Variants in STK3 observed in about 807,000 individuals in gnomAD.
The protein encoded by STK3 is serine/threonine-protein kinase 3.
In STK3, 41 loss-of-function variants were observed where a neutral mutation model predicts 58.0. The ratio of observed to expected loss-of-function variants is 0.71; its 90% CI spans 0.55 to 0.92. The LOEUF (loss-of-function observed/expected upper bound fraction) is 0.92. Among genes scored for constraint, STK3 ranks in the 40% least tolerant of loss-of-function variants. The pLI is 0.00. For missense variants in STK3, 479 were observed against 602.7 expected (o/e 0.79, Z 2.15); for synonymous variants, 170 against 191.0 (o/e 0.89, Z 0.91).
At chr8:98,457,611 T>G (rs1461443897) in intron 10 of STK3, among the ~76,000 whole-genome samples, 5 of 152,282 alleles carry the variant, frequency 3.3e-5, no homozygotes, top group Non-Finnish European at 5.9e-5. Context: ...TCCCTAGATA[T>G]TCCAAAAAAT....
intron 1 of STK3, among the ~76,000 whole-genome samples, chr8:98,824,056 G>A (rs1835086329): frequency 1.3e-5 from 2 of 152,176 alleles, no homozygotes; most frequent in African/African-American, 4.8e-5. Flanking sequence ...TAGGGTTGCT[G>A]TGAGGATTAA....
At chr8:98,793,609 C>T (rs911743910) in intron 1 of STK3, among the ~76,000 whole-genome samples, 1 of 152,090 alleles carries the variant, frequency 6.6e-6, no homozygotes, top group African/African-American at 2.4e-5. Context: ...TTCAACAGCC[C>T]ACTGACTAAT....
At chr8:98,553,360 A>G (rs1325665932) in intron 8 of STK3, 1 of 152,154 alleles carries the variant, frequency 6.6e-6, no homozygotes, top group Non-Finnish European at 1.5e-5. Context: ...TCTCAAATCT[A>G]TAAGGGCAGT....
intron 1 of STK3, among the ~76,000 whole-genome samples, chr8:98,798,452 C>T (rs974537453): frequency 4.6e-5 from 7 of 152,082 alleles, no homozygotes; most frequent in Non-Finnish European, 7.4e-5. Context: ...TCAAAGGCCC[C>T]CAAAAACGTT....
chr8:98,366,949 T>G (rs180866502), downstream of STK3, among the ~76,000 whole-genome samples: 24 of 152,386 alleles, frequency 1.6e-4, no homozygotes, highest in African/African-American at 5.8e-4. Flanking sequence ...TCAATGCCTA[T>G]TTTGCCAATC....
At chr8:98,871,985 T>C (rs1837396148) in intron 3 of STK3, among the ~76,000 whole-genome samples, 2 of 152,232 alleles carry the variant, frequency 1.3e-5, no homozygotes, top group Admixed American at 6.5e-5. Flanking sequence ...GGGTTTGTCA[T>C]AAATAGCTCT....
intron 2 of STK3, among the ~76,000 whole-genome samples, chr8:98,435,594 G>A (rs1011700875): frequency 2.0e-5 from 3 of 152,256 alleles, no homozygotes; most frequent in Admixed American, 6.5e-5. Context: ...CAGTGCAGGT[G>A]GACGGGGAGG....
intron 4 of STK3, among the ~76,000 whole-genome samples, chr8:98,742,111 T>C (rs939232491): frequency 2.0e-5 from 3 of 150,762 alleles, no homozygotes; most frequent in Non-Finnish European, 4.4e-5. Flanking sequence ...CCAAAAAGAG[T>C]CCAGGACCAG....
At chr8:98,941,758 G>A (rs1840441494) in intron 1 of STK3, among the ~76,000 whole-genome samples, 2 of 152,242 alleles carry the variant, frequency 1.3e-5, no homozygotes, top group South Asian at 2.1e-4. Flanking sequence ...GCCTCCCGGG[G>A]CGTAAACTTG....
chr8:98,883,770 G>C, exon 2 of STK3: 1 of 702,692 alleles, frequency 1.4e-6, no homozygotes, highest in Non-Finnish European at 2.6e-6. Flanking sequence ...CTCCACTGAA[G>C]AGTCTAGCTC....
chr8:98,823,873 T>C (rs555763441), intron 1 of STK3, among the ~76,000 whole-genome samples: 3 of 152,318 alleles, frequency 2.0e-5, no homozygotes, highest in Admixed American at 6.5e-5. Flanking sequence ...TATACTTAAA[T>C]TTCCTGGCAA....
intron 1 of STK3, among the ~76,000 whole-genome samples, chr8:98,820,663 G>C (rs1305374913): frequency 6.6e-6 from 1 of 152,076 alleles, no homozygotes; most frequent in African/African-American, 2.4e-5. Flanking sequence ...TTTTCTCTCA[G>C]CTAGCAGTTC....
At chr8:98,851,001 G>C (rs1179311309) in intron 3 of STK3, among the ~76,000 whole-genome samples, 1 of 152,128 alleles carries the variant, frequency 6.6e-6, no homozygotes, top group African/African-American at 2.4e-5. Flanking sequence ...TTGTGATTAA[G>C]TCAGAAGCTC....
intron 10 of STK3, among the ~76,000 whole-genome samples, chr8:98,506,607 A>T (rs1032922941): frequency 6.6e-6 from 1 of 152,144 alleles, no homozygotes; most frequent in South Asian, 2.1e-4. Context: ...GCTACTTGGG[A>T]GGCTGAGGCA....
chr8:98,863,632 A>C (rs1837015247), intron 3 of STK3, among the ~76,000 whole-genome samples: 1 of 152,206 alleles, frequency 6.6e-6, no homozygotes, highest in Admixed American at 6.5e-5. Context: ...ACCAGTATAC[A>C]AAAAAATTTT....
chr8:98,380,372 C>A (rs1469387361), intron 1 of STK3, among the ~76,000 whole-genome samples: 1 of 152,096 alleles, frequency 6.6e-6, no homozygotes, highest in Non-Finnish European at 1.5e-5. Context: ...CCAGAGATAA[C>A]CACCGATAAC....
chr8:98,927,639 T>C (rs372102287), intron 1 of STK3, among the ~76,000 whole-genome samples: 1 of 152,240 alleles, frequency 6.6e-6, no homozygotes, highest in East Asian at 1.9e-4. Flanking sequence ...ATAGAGTAAC[T>C]TGTCTAAGAT....
chr8:98,377,903 T>A (rs1586542019), intron 2 of STK3, among the ~76,000 whole-genome samples: 1 of 152,066 alleles, frequency 6.6e-6, no homozygotes, highest in East Asian at 1.9e-4. Flanking sequence ...GCTAGTAAGG[T>A]TGAAGCTCCA....
chr8:98,585,703 C>A (rs1043903732), intron 7 of STK3, among the ~76,000 whole-genome samples: 1 of 151,800 alleles, frequency 6.6e-6, no homozygotes, highest in African/African-American at 2.4e-5. Flanking sequence ...GCCTTTTTCA[C>A]GATATTGATT....
Sources: allele counts gnomAD v4.1 joint callset (sites outside exome capture counted in the v4.1 genomes callset), GRCh38; gene constraint gnomAD v4.1.1; transcripts MANE v1.5; gene names NCBI Gene and HGNC (gene_info 2026-07-23, HGNC 2026-07-21).